The following ANHX variants were observed in gnomAD, a reference collection of about 807,000 sequenced individuals.
ANHX encodes the protein anomalous homeobox, also known as anomalous homeobox protein.
ANHX carries 20 observed loss-of-function variants against 38.9 expected under a neutral mutation model. The ratio of observed to expected loss-of-function variants is 0.51; its 90% CI spans 0.36 to 0.75. ANHX has a LOEUF of 0.75. Among genes scored for constraint, ANHX ranks in the 30% least tolerant of loss-of-function variants. ANHX has a pLI of 0.00. For synonymous variants in ANHX, 185 were observed against 203.1 expected, an observed-to-expected ratio of 0.91 and a Z score of 0.76; for missense variants, 475 against 493.1, an observed-to-expected ratio of 0.96 and a Z score of 0.35.
intron 2 of ANHX, among the ~76,000 whole-genome samples, chr12:133,231,955 C>A (rs1566410895): frequency 1.3e-5 from 2 of 152,124 alleles, no homozygotes; most frequent in Non-Finnish European, 2.9e-5. Context: ...AACCTTCAAC[C>A]CTCCCCAAAA....
At position 133,222,312 on chromosome 12, in the gene ANHX, T is replaced by G. The variant is rs559440021; in HGVS notation, c.1133-960A>C. ...CACAGTCGTGCAGTCAGGACGCAAG[T>G]GCAGCCCATGGTGATGGGGTGTCTG... On this transcript the variant is annotated intron_variant, in intron 7 of 9. Transcript: ENST00000545940. Among the ~76,000 whole-genome samples the G allele has an allele frequency of 6.6e-5, 10 of 152,234 alleles. No homozygotes were observed. The South Asian group carries it at 1.9e-3, about 28-fold the overall frequency.
intron 2 of ANHX, among the ~76,000 whole-genome samples, chr12:133,232,148 C>T (rs1486797436): frequency 8.0e-6 from 1 of 125,056 alleles, no homozygotes; most frequent in Non-Finnish European, 1.7e-5. Flanking sequence ...TGTCTCCCAG[C>T]AGCAGTGCTG....
At chr12:133,234,053 T>C in intron 2 of ANHX, 55 bp downstream of exon 2, 1 of 1,511,468 alleles carries the variant, frequency 6.6e-7, no homozygotes, top group Non-Finnish European at 8.8e-7. Flanking sequence ...GGGTGGAGGC[T>C]GCCTAAAGAA....
chr12:133,226,897 C>A (rs1263478723), intron 5 of ANHX, 39 bp downstream of exon 5: 3 of 1,465,630 alleles, frequency 2.0e-6, no homozygotes, highest in South Asian at 2.8e-5. Flanking sequence ...GAAACCAGCT[C>A]CCCGACCACA....
rs1957219354 is a variant in ANHX, at chr12:133,228,326, G to A, written c.378-379C>T. On this transcript the variant is annotated intron_variant, in intron 3 of 9. Transcript: ENST00000545940. ...CACACACAGGTGTCCTCAGCCCATG[G>A]AGCTCCCGTGGATGGCCCTCCTGGA... Among the ~76,000 whole-genome samples, 3 of 152,198 alleles carry A rather than the reference G, an allele frequency of 2.0e-5. No homozygotes were observed. In the South Asian group the frequency reaches 6.2e-4, roughly 32 times the overall value.
chr12:133,229,774 C>T (rs184260778), intron 3 of ANHX, among the ~76,000 whole-genome samples: 21 of 152,284 alleles, frequency 1.4e-4, no homozygotes, highest in South Asian at 2.1e-4. Context: ...CCATGGCTGC[C>T]GGCTCAATGT....
chr12:133,233,421 A>G (rs1439527786), intron 2 of ANHX, among the ~76,000 whole-genome samples: 1 of 152,166 alleles, frequency 6.6e-6, no homozygotes, highest in Non-Finnish European at 1.5e-5. Context: ...AAGAAAGGAA[A>G]AATAGGCATT....
intron 7 of ANHX, among the ~76,000 whole-genome samples, chr12:133,225,210 T>G (rs1957173552): frequency 6.6e-6 from 1 of 152,128 alleles, no homozygotes; most frequent in South Asian, 2.1e-4. Context: ...CTCAGCCTTC[T>G]CTGCTGCACC....
Position 133,234,113 on chromosome 12 carries a change from G to T in ANHX, c.244C>A (p.Leu82Met). 6.5e-7 allele frequency: 1 copy of T among 1,535,548 alleles called. No individual in the cohort carries two copies. Among genetic ancestry groups the T allele is most frequent in the Non-Finnish European group, 8.7e-7 (1 of 1,146,818 alleles). The change falls in exon 2 of 10, where the codon CTG becomes ATG. Residue 82 changes from leucine to methionine, a missense_variant. Coordinates refer to ENST00000545940, the MANE Select transcript of ANHX (RefSeq NM_001372060.1). Reference sequence around the variant, plus strand: ...CCCCTGTAGCCCAGGCCTACCTCCAGGAGGCGGCAAGCCGCCTGCTGCTGC... The same window carrying T: ...CCCCTGTAGCCCAGGCCTACCTCCATGAGGCGGCAAGCCGCCTGCTGCTGC... ...QEQQQAACRL[L>M]EGCQVPGGSQ...
At chr12:133,224,762 A>T (rs146076658) in intron 7 of ANHX, among the ~76,000 whole-genome samples, 98 of 150,018 alleles carry the variant, frequency 6.5e-4, no homozygotes, top group Middle Eastern at 3.5e-3. Context: ...TCAGGAGATC[A>T]AGACCATCCT....
At chr12:133,220,834 G>C (rs1957099653) in intron 8 of ANHX, among the ~76,000 whole-genome samples, 1 of 152,206 alleles carries the variant, frequency 6.6e-6, no homozygotes, top group Non-Finnish European at 1.5e-5. Flanking sequence ...CGCTGTTCAA[G>C]ACCCCAAGTC....
chr12:133,225,307 G>A (rs919557598), intron 7 of ANHX, among the ~76,000 whole-genome samples: 17 of 147,764 alleles, frequency 1.2e-4, no homozygotes, highest in Admixed American at 2.0e-4. Flanking sequence ...TCAGTGATAT[G>A]CATACATACA....
Position 133,218,818 on chromosome 12 carries a change from TTG to T in ANHX, c.*65_*66del. The T allele has an allele frequency of 8.1e-7, 1 of 1,235,794 alleles. No homozygotes were observed. Among genetic ancestry groups the T allele is most frequent in the Non-Finnish European group, 1.1e-6 (1 of 918,724 alleles). The allele number at this position is 1,235,794 out of a possible 1,614,324, so 76.6% of individuals were successfully genotyped here. A position where few individuals can be genotyped will look rare whatever the true frequency, so the allele number is the denominator to read the frequency against. On this transcript the variant is annotated 3_prime_UTR_variant, in exon 10 of 10. Transcript: ENST00000545940. ...ATTCAGGATAAAGCTCTGTAACTCC[TTG>T]TGTTGACCAGGCAGACCATCCACAC... is the stretch of plus-strand genomic sequence containing the variant.
intron 9 of ANHX, 38 bp downstream of exon 9, chr12:133,219,245 A>G (rs1481551792): frequency 1.3e-6 from 2 of 1,498,576 alleles, no homozygotes; most frequent in East Asian, 2.5e-5. Context: ...ATCCAGGAGT[A>G]AAGAGGGAAT....
chr12:133,221,209 G>A lies in ANHX; in HGVS notation c.1276C>T (p.Gln426Ter). 6.5e-7 allele frequency: 1 copy of A among 1,536,058 alleles called. No homozygotes were observed. Among genetic ancestry groups the A allele is most frequent in the Non-Finnish European group, 8.7e-7 (1 of 1,146,890 alleles). The change falls in exon 8 of 10, where the codon CAG (glutamine) becomes TAG (stop). Residue 426 changes from glutamine to a stop codon, truncating the protein, a stop_gained. Coordinates refer to ENST00000545940, the MANE Select transcript of ANHX (RefSeq NM_001372060.1). LOFTEE classifies it high-confidence loss of function. The surrounding 1 kb of genome is among the most constrained non-coding windows in gnomAD (Gnocchi z 4.1). ...CTGTGGCTCTTCAGGGCTTACCTCT[G>A]GGTGAGGATGAATTCAGGAGCTTGC... Reference protein sequence around the residue: ...PLQAPEFILTQSPPELAPAPS... With the variant: ...PLQAPEFILT
intron 2 of ANHX, among the ~76,000 whole-genome samples, chr12:133,232,198 G>A (rs1957288545): frequency 6.6e-6 from 1 of 152,244 alleles, no homozygotes; most frequent in South Asian, 2.1e-4. Flanking sequence ...TGAGGGGGAT[G>A]AAGGGGTCCC....
Position 133,234,300 on chromosome 12 carries a change from C to CA in ANHX, c.56_57insT (p.Glu20GlyfsTer16). On this transcript the variant is annotated frameshift_variant, in exon 2 of 10. Coordinates refer to ENST00000545940, the MANE Select transcript of ANHX (RefSeq NM_001372060.1). LOFTEE classifies it high-confidence loss of function. ...GTCTGCCCGCAAGGGTCACCAGCTC[C>CA]GCCGGGGGTGCACAGGTGTCCTCAT... 2.0e-6 allele frequency: 3 copies of CA among 1,536,122 alleles called. No homozygotes were observed. The highest frequency in any genetic ancestry group is 2.6e-6 in the Non-Finnish European group (3 of 1,146,890).
Position 133,227,883 on chromosome 12 carries a change from G to A in ANHX, c.442C>T (p.Arg148Cys), listed in dbSNP as rs1462863125. The A allele has an allele frequency of 4.7e-6, 7 of 1,476,478 alleles. No homozygotes were observed. The highest frequency in any genetic ancestry group is 4.2e-5 in the African/African-American group (3 of 70,714). The allele number at this position is 1,476,478 out of a possible 1,614,324, so 91.5% of individuals were successfully genotyped here. The change falls in exon 4 of 10, where the codon CGT (arginine) becomes TGT (cysteine). Residue 148 changes from arginine to cysteine, a missense_variant. By Grantham distance (180) the Arg-to-Cys change is radical. Transcript: ENST00000545940. The stretch of plus-strand genomic sequence containing the variant: ...ACAGCGAAATTGTGCAGCTTCTCAC[G>A]AACCTCTCTGGGGAAGTTCCGGCTC... ...LKSRNFPREV[R>C]EKLHNFAVGV...
chr12:133,225,274 TCTTTC>T (rs199987197), intron 7 of ANHX, among the ~76,000 whole-genome samples: 1,600 of 151,920 alleles, frequency 0.011, 18 homozygotes, highest in African/African-American at 0.031. Context: ...GGGTGGCAGC[TCTTTC>T]CTTTCAACTC....
Sources: allele counts gnomAD v4.1 joint callset (sites outside exome capture counted in the v4.1 genomes callset), GRCh38; gene constraint gnomAD v4.1.1; non-coding constraint Gnocchi (gnomAD v3.1); transcripts MANE v1.5; gene names NCBI Gene and HGNC (gene_info 2026-07-23, HGNC 2026-07-21).